EYS: variants seen among roughly 807,000 people sequenced by gnomAD.
EYS encodes the protein protein eyes shut homolog.
Under a neutral mutation model 282.1 loss-of-function variants are expected in EYS, and 250 were observed. The ratio of observed to expected loss-of-function variants is 0.89; its 90% CI spans 0.80 to 0.98. The LOEUF (loss-of-function observed/expected upper bound fraction) is 0.98, where lower values mean the gene tolerates loss of function less well. Ranked by LOEUF, EYS falls within the 50% of genes least tolerant of loss-of-function variation. EYS has a pLI of 0.00. For missense variants in EYS, 4,016 were observed against 3,709.0 expected (o/e 1.08, Z -2.15); for synonymous variants, 1,355 against 1,282.9 (o/e 1.06, Z -1.20).
At chr6:64,633,307 T>G (rs555013864) in intron 22 of EYS, among the ~76,000 whole-genome samples, 1 of 152,184 alleles carries the variant, frequency 6.6e-6, no homozygotes, top group Non-Finnish European at 1.5e-5. Context: ...TATGAATGAA[T>G]GAAACTCAAA....
chr6:64,782,145 C>A lies in EYS; in HGVS notation c.3443+31233G>T, dbSNP rs139566484. ...TGGTATTCATAAGTTATTGGCAGAT[C>A]ATATGTTTTAACAAGAATGTTGTAG... On this transcript the variant is annotated intron_variant, in intron 22 of 42. Transcript: ENST00000503581. Among the ~76,000 whole-genome samples, 7 of 152,274 alleles carry A rather than the reference C, an allele frequency of 4.6e-5. No individual in the cohort carries two copies. In the East Asian group the frequency reaches 1.4e-3, roughly 29 times the overall value.
intron 33 of EYS, among the ~76,000 whole-genome samples, chr6:64,031,934 C>T (rs1769866387): frequency 6.6e-6 from 1 of 152,104 alleles, no homozygotes; most frequent in African/African-American, 2.4e-5. Context: ...GCTCTGGTCC[C>T]CTTCCACACT....
chr6:64,116,812 T>C (rs777001394), intron 31 of EYS, among the ~76,000 whole-genome samples: 2 of 152,054 alleles, frequency 1.3e-5, no homozygotes, highest in Non-Finnish European at 2.9e-5. Context: ...AGTCAAAAAC[T>C]AAAGAGAGAC....
At chr6:65,407,649 G>C (rs1052978628) in intron 5 of EYS, among the ~76,000 whole-genome samples, 1 of 151,958 alleles carries the variant, frequency 6.6e-6, no homozygotes, top group East Asian at 1.9e-4. Flanking sequence ...AGTGCTAGTA[G>C]TTCTTTGGGG....
Position 65,626,957 on chromosome 6 carries a change from G to T in EYS, c.-333+12821C>A, listed in dbSNP as rs551748734. Among the ~76,000 whole-genome samples, 92 of 146,964 alleles carry T rather than the reference G, an allele frequency of 6.3e-4. 1 individual carries two copies. Among genetic ancestry groups the T allele is most frequent in the African/African-American group, 2.2e-3 (89 of 39,962 alleles). On this transcript the variant is annotated intron_variant, in intron 2 of 42. Transcript: ENST00000503581. ...TCTTGTTAAAAACCAATATATTTCA[G>T]GTTTTCTTTTCTTTCTTTCTTTCCT...
chr6:64,670,448 A>G (rs867608682), intron 22 of EYS, among the ~76,000 whole-genome samples: 3 of 89,576 alleles, frequency 3.3e-5, no homozygotes, highest in Non-Finnish European at 7.5e-5. Flanking sequence ...TAAATAAATG[A>G]AAAAAAAACG....
intron 2 of EYS, among the ~76,000 whole-genome samples, chr6:65,512,274 C>T (rs1003940617): frequency 3.3e-5 from 5 of 151,890 alleles, no homozygotes; most frequent in African/African-American, 4.8e-5. Flanking sequence ...AGGCGGTTCA[C>T]GAGGTCAGGA....
intron 31 of EYS, among the ~76,000 whole-genome samples, chr6:64,093,018 C>T (rs901793346): frequency 1.3e-5 from 2 of 152,022 alleles, no homozygotes; most frequent in Admixed American, 6.5e-5. Context: ...GGAATCCTTT[C>T]CCCATTGCTT....
At chr6:63,945,381 C>A (rs114050144) in intron 35 of EYS, among the ~76,000 whole-genome samples, 1 of 152,116 alleles carries the variant, frequency 6.6e-6, no homozygotes, top group Non-Finnish European at 1.5e-5. Flanking sequence ...CCGGTCCCCT[C>A]CCACAACACG....
At chr6:64,353,195 T>C (rs919181666) in intron 29 of EYS, among the ~76,000 whole-genome samples, 4 of 151,522 alleles carry the variant, frequency 2.6e-5, no homozygotes, top group African/African-American at 4.8e-5. Flanking sequence ...CAATGCTATA[T>C]AATATTATAT....
intron 21 of EYS, among the ~76,000 whole-genome samples, chr6:64,821,353 T>C (rs1167366317): frequency 2.0e-5 from 3 of 151,956 alleles, no homozygotes; most frequent in African/African-American, 7.2e-5. Context: ...TCTGAGCAAC[T>C]GTTGATAATG....
chr6:65,619,094 G>C (rs1366378729), intron 2 of EYS, among the ~76,000 whole-genome samples: 1 of 151,746 alleles, frequency 6.6e-6, no homozygotes, highest in Admixed American at 6.6e-5. Context: ...GTGAAGAAAG[G>C]CATTGGTAGA....
At chr6:65,619,629 G>T (rs2149800895) in intron 2 of EYS, among the ~76,000 whole-genome samples, 1 of 151,908 alleles carries the variant, frequency 6.6e-6, no homozygotes, top group Non-Finnish European at 1.5e-5. Context: ...CCTGTCTTGT[G>T]CCCGTTTTCA....
chr6:64,809,214 C>T (rs572976624), intron 22 of EYS, among the ~76,000 whole-genome samples: 1 of 152,142 alleles, frequency 6.6e-6, no homozygotes, highest in African/African-American at 2.4e-5. Flanking sequence ...ATGCTAGAAA[C>T]TGACACACTG....
chr6:64,618,663 G>A (rs1198835011), intron 23 of EYS, among the ~76,000 whole-genome samples: 1 of 151,958 alleles, frequency 6.6e-6, no homozygotes, highest in Non-Finnish European at 1.5e-5. Flanking sequence ...AAACAAATAG[G>A]GCCTGAGTCT....
intron 26 of EYS, among the ~76,000 whole-genome samples, chr6:64,472,567 T>A (rs991765717): frequency 6.6e-6 from 1 of 152,172 alleles, no homozygotes; most frequent in African/African-American, 2.4e-5. Flanking sequence ...TAACTTTAAG[T>A]CTGTTTGCTC....
intron 12 of EYS, among the ~76,000 whole-genome samples, chr6:65,113,143 T>C (rs1276864347): frequency 6.6e-6 from 1 of 152,050 alleles, no homozygotes; most frequent in African/African-American, 2.4e-5. Flanking sequence ...GCACTAAGTG[T>C]TATATATCTT....
chr6:65,391,749 G>A (rs1766044106), intron 7 of EYS, among the ~76,000 whole-genome samples: 1 of 152,040 alleles, frequency 6.6e-6, no homozygotes, highest in South Asian at 2.1e-4. Context: ...TACTGCCCAA[G>A]GTAATTTACA....
intron 26 of EYS, among the ~76,000 whole-genome samples, chr6:64,576,691 G>T (rs35022145): frequency 0.56 from 84,486 of 151,822 alleles, 23,603 homozygotes; most frequent in South Asian, 0.65. Flanking sequence ...TTTAAAAATA[G>T]TTTCTTATTT....
Sources: allele counts gnomAD v4.1 joint callset (sites outside exome capture counted in the v4.1 genomes callset), GRCh38; gene constraint gnomAD v4.1.1; transcripts MANE v1.5; gene names NCBI Gene and HGNC (gene_info 2026-07-23, HGNC 2026-07-21).